Variants in ALKBH3 observed in about 807,000 individuals in gnomAD.
ALKBH3 encodes alpha-ketoglutarate-dependent dioxygenase alkB homolog 3.
Under a neutral mutation model 43.9 loss-of-function variants are expected in ALKBH3, and 51 were observed. The observed-to-expected ratio is 1.16, with a 90% CI of 0.93 to 1.47. The LOEUF is 1.47. ALKBH3 is among the 40% of genes most tolerant of loss of function. The pLI, the probability that ALKBH3 is intolerant of heterozygous loss-of-function variation, is 0.00. For synonymous variants in ALKBH3, 102 were observed against 115.2 expected (o/e 0.89, Z 0.73); for missense variants, 361 against 351.9 (o/e 1.03, Z -0.21).
At position 43,894,042 on chromosome 11, in the gene ALKBH3, T is replaced by C. The variant is rs1337876664; in HGVS notation, c.459+1913T>C. On this transcript the variant is annotated intron_variant, in intron 7 of 9. Transcript: ENST00000302708. ...TTTTTTAAAGGTGGATTCACTAATG[T>C]ATGTATATATATGTTGGGAGTACTT... is the stretch of plus-strand genomic sequence containing the variant. Among the ~76,000 whole-genome samples the C allele has an allele frequency of 2.6e-5, 4 of 152,224 alleles. No homozygotes were observed. In the East Asian group the frequency reaches 7.7e-4, roughly 29 times the overall value.
intron 8 of ALKBH3, among the ~76,000 whole-genome samples, chr11:43,915,818 G>A (rs1419079087): frequency 6.6e-6 from 1 of 152,182 alleles, no homozygotes; most frequent in Non-Finnish European, 1.5e-5. Flanking sequence ...TGGATGATAG[G>A]ATTACAGGCG....
At chr11:43,895,721 G>A (rs1241701048) in intron 7 of ALKBH3, among the ~76,000 whole-genome samples, 1 of 152,154 alleles carries the variant, frequency 6.6e-6, no homozygotes, top group Non-Finnish European at 1.5e-5. Flanking sequence ...TGTTGGGTTT[G>A]CACTGATGGT....
chr11:43,890,290 T>G (rs1951774071), intron 6 of ALKBH3, among the ~76,000 whole-genome samples: 1 of 152,214 alleles, frequency 6.6e-6, no homozygotes, highest in Admixed American at 6.5e-5. Context: ...CTCCTCTAGC[T>G]TCAGCATCTG....
At chr11:43,881,660 C>A (rs1308438020) in intron 1 of ALKBH3, among the ~76,000 whole-genome samples, 1 of 152,188 alleles carries the variant, frequency 6.6e-6, no homozygotes, top group African/African-American at 2.4e-5. Flanking sequence ...TTGTTAAACA[C>A]ACAGATTCCT....
At chr11:43,883,017 C>G in intron 2 of ALKBH3, 68 bp from the exon 3 acceptor site, 1 of 1,315,528 alleles carries the variant, frequency 7.6e-7, no homozygotes, top group Non-Finnish European at 1.1e-6. Flanking sequence ...TTTATTGGCC[C>G]TTGCTCAGTA....
At chr11:43,902,910 G>C (rs188128706) in intron 8 of ALKBH3, among the ~76,000 whole-genome samples, 2 of 152,150 alleles carry the variant, frequency 1.3e-5, no homozygotes, top group African/African-American at 4.8e-5. Context: ...GCTGATTTTT[G>C]AATAGACCTA....
At chr11:43,892,685 A>C (rs1951792679) in intron 7 of ALKBH3, among the ~76,000 whole-genome samples, 1 of 152,254 alleles carries the variant, frequency 6.6e-6, no homozygotes, top group African/African-American at 2.4e-5. Context: ...AAGCTCATCC[A>C]GGGGATAGAG....
At chr11:43,898,852 C>A (rs1951839987) in intron 7 of ALKBH3, 3 of 764,870 alleles carry the variant, frequency 3.9e-6, no homozygotes, top group Admixed American at 3.5e-5. Context: ...TGGAGGCCTG[C>A]TGGATTACAT....
intron 7 of ALKBH3, among the ~76,000 whole-genome samples, chr11:43,900,379 A>C (rs998308590): frequency 2.0e-5 from 3 of 151,694 alleles, no homozygotes; most frequent in African/African-American, 7.3e-5. Flanking sequence ...GCATGCCACC[A>C]TGCCCAGCTG....
chr11:43,883,150 C>G lies in ALKBH3; in HGVS notation c.145C>G (p.Leu49Val), dbSNP rs554790465. 1.9e-6 allele frequency: 3 copies of G among 1,614,010 alleles called. No individual in the cohort carries two copies. Among genetic ancestry groups the G allele is most frequent in the Middle Eastern group, 1.6e-4 (1 of 6,062 alleles). ...GQTWKNKEHHLSDREFVFKEP... is the reference protein window; with the variant it reads ...GQTWKNKEHHVSDREFVFKEP... ...GACCTGGAAGAACAAAGAGCATCAT[C>G]TCTCTGACAGAGAGTTTGTGTTCAA... The change falls in exon 3 of 10, where the codon CTC becomes GTC. Residue 49 changes from leucine (L) to valine (V), a missense_variant. Coordinates refer to ENST00000302708, the MANE Select transcript of ALKBH3 (RefSeq NM_139178.4).
At chr11:43,897,428 G>A (rs537949900) in intron 7 of ALKBH3, 59 of 734,908 alleles carry the variant, frequency 8.0e-5, no homozygotes, top group Admixed American at 4.2e-4. Flanking sequence ...CAAGACAGGT[G>A]TGAAAGGATT....
intron 8 of ALKBH3, among the ~76,000 whole-genome samples, chr11:43,917,077 C>T (rs1056711629): frequency 1.3e-5 from 2 of 152,136 alleles, no homozygotes; most frequent in Non-Finnish European, 2.9e-5. Flanking sequence ...GAAGGCTCAC[C>T]CTTGTCTGCT....
Position 43,882,695 on chromosome 11 carries a change from G to T in ALKBH3, c.43G>T (p.Ala15Ser). ...GCGAGCCCGAGTTCAGGGAGCCTGGGCTGCCCCTGTTAAAAGCCAGGCCAT... is the reference window on the plus strand; with the variant it reads ...GCGAGCCCGAGTTCAGGGAGCCTGGTCTGCCCCTGTTAAAAGCCAGGCCAT... ...RRRARVQGAW[A>S]APVKSQAIAQ... The change falls in exon 2 of 10, where the codon GCT becomes TCT. Residue 15 changes from alanine to serine, a missense_variant. Physicochemically the swap from Ala to Ser is moderately conservative, Grantham distance 99. Coordinates refer to ENST00000302708, the MANE Select transcript of ALKBH3 (RefSeq NM_139178.4). 6.2e-7 allele frequency: 1 copy of T among 1,613,584 alleles called. No homozygotes were observed.
At chr11:43,892,992 AC>A (rs1951794454) in intron 7 of ALKBH3, among the ~76,000 whole-genome samples, 1 of 152,168 alleles carries the variant, frequency 6.6e-6, no homozygotes. Context: ...AAGTGCCGAG[AC>A]CCTTTATATC....
At chr11:43,898,582 T>G in intron 7 of ALKBH3, 1 of 759,420 alleles carries the variant, frequency 1.3e-6, no homozygotes, top group African/African-American at 1.7e-5. Flanking sequence ...TACAAAAGTC[T>G]TTGTTTGGCC....
At chr11:43,904,260 A>G (rs1340993020) in intron 8 of ALKBH3, among the ~76,000 whole-genome samples, 1 of 152,232 alleles carries the variant, frequency 6.6e-6, no homozygotes, top group Non-Finnish European at 1.5e-5. Flanking sequence ...AATAAGTAAG[A>G]AAATTTGCCT....
intron 8 of ALKBH3, among the ~76,000 whole-genome samples, chr11:43,915,760 C>T (rs1951978714): frequency 6.6e-6 from 1 of 152,142 alleles, no homozygotes; most frequent in South Asian, 2.1e-4. Flanking sequence ...AAATGGAGTA[C>T]ACACGATTGT....
At chr11:43,905,039 TC>T (rs1279535687) in intron 8 of ALKBH3, among the ~76,000 whole-genome samples, 1 of 152,144 alleles carries the variant, frequency 6.6e-6, no homozygotes, top group Non-Finnish European at 1.5e-5. Flanking sequence ...TTGACTTGAG[TC>T]ACAGTTTCGC....
At chr11:43,886,505 G>T in intron 4 of ALKBH3, 101 bp from the exon 5 acceptor site, 1 of 1,115,082 alleles carries the variant, frequency 9.0e-7, no homozygotes, top group South Asian at 1.4e-5. Context: ...AAATGACTTT[G>T]GTGAGCCAGG....
Sources: allele counts gnomAD v4.1 joint callset (sites outside exome capture counted in the v4.1 genomes callset), GRCh38; gene constraint gnomAD v4.1.1; transcripts MANE v1.5; gene names NCBI Gene and HGNC (gene_info 2026-07-23, HGNC 2026-07-21).